FAM184B: variants seen among roughly 807,000 people sequenced by gnomAD.
FAM184B encodes the protein protein FAM184B.
Under a neutral mutation model 135.9 loss-of-function variants are expected in FAM184B, and 111 were observed. The ratio of observed to expected loss-of-function variants is 0.82; its 90% confidence interval spans 0.70 to 0.96. The LOEUF (loss-of-function observed/expected upper bound fraction) is 0.96. Among genes scored for constraint, FAM184B ranks in the 40% least tolerant of loss-of-function variants. FAM184B has a pLI of 0.00. For synonymous variants in FAM184B, 552 were observed against 524.8 expected (o/e 1.05, Z -0.71); for missense variants, 1,375 against 1,323.9 (o/e 1.04, Z -0.60).
chr4:17,642,025 G>A, intron 13 of FAM184B, 31 bp downstream of exon 13: 2 of 1,506,524 alleles, frequency 1.3e-6, no homozygotes, highest in Non-Finnish European at 1.8e-6. Context: ...GGTGAGGGTG[G>A]CGCGGTGGCG....
intron 10 of FAM184B, among the ~76,000 whole-genome samples, chr4:17,655,305 G>A (rs1011230752): frequency 4.6e-5 from 7 of 152,104 alleles, no homozygotes; most frequent in African/African-American, 1.7e-4. Context: ...TTTGCAAGAC[G>A]GAGCCAAACT....
At chr4:17,766,524 C>A (rs1244110064) in intron 1 of FAM184B, among the ~76,000 whole-genome samples, 2 of 151,978 alleles carry the variant, frequency 1.3e-5, no homozygotes, top group Non-Finnish European at 2.9e-5. Flanking sequence ...TATTTACAAA[C>A]CTTGAGCTAG....
chr4:17,726,691 C>T (rs1432113329), intron 1 of FAM184B, among the ~76,000 whole-genome samples: 1 of 152,104 alleles, frequency 6.6e-6, no homozygotes, highest in Non-Finnish European at 1.5e-5. Flanking sequence ...CATTTTGACT[C>T]TACTTTTCCC....
intron 1 of FAM184B, among the ~76,000 whole-genome samples, chr4:17,770,548 C>T (rs1288719880): frequency 6.6e-6 from 1 of 152,134 alleles, no homozygotes; most frequent in Admixed American, 6.5e-5. Context: ...ACTGCAACCT[C>T]CGCCTCCCGG....
At chr4:17,683,649 G>A (rs1024220315) in intron 7 of FAM184B, among the ~76,000 whole-genome samples, 3 of 152,126 alleles carry the variant, frequency 2.0e-5, no homozygotes, top group African/African-American at 4.8e-5. Flanking sequence ...TCAATCATAA[G>A]GGAATGGTTA....
intron 1 of FAM184B, among the ~76,000 whole-genome samples, chr4:17,729,298 C>T (rs556410459): frequency 3.1e-4 from 47 of 152,372 alleles, no homozygotes; most frequent in African/African-American, 1.1e-3. Flanking sequence ...GCCTGCCTGC[C>T]TCTGTAGGCT....
At chr4:17,777,336 A>G (rs182680140) in intron 1 of FAM184B, among the ~76,000 whole-genome samples, 74 of 152,318 alleles carry the variant, frequency 4.9e-4, no homozygotes, top group African/African-American at 1.7e-3. Context: ...GAAACTGACT[A>G]CAAATGGCCA....
intron 6 of FAM184B, 121 bp downstream of exon 6, chr4:17,693,181 C>A: frequency 1.5e-6 from 1 of 670,576 alleles, no homozygotes; most frequent in Non-Finnish European, 2.5e-6. Context: ...CCCCCCGAGA[C>A]AGCCTGCCTG....
In FAM184B at chr4:17,633,844, C is replaced by A. The variant is rs770765197; in HGVS notation, c.2934G>T (p.Pro978=). The part of the protein sequence containing the change: ...EDVPSRVVSV[P]NLASYAKNFL... ...AGTTCTTTGCATAGGAGGCGAGGTTCGGCACGCTGACCACGCGGCTGGGCA... is the reference window on the plus strand; with the variant it reads ...AGTTCTTTGCATAGGAGGCGAGGTTAGGCACGCTGACCACGCGGCTGGGCA... The change falls in exon 17 of 18, where the codon CCG becomes CCT. Residue 978 remains proline (P), a synonymous_variant. Transcript: ENST00000265018. The A allele has an allele frequency of 1.3e-6, 2 of 1,551,270 alleles. No individual in the cohort carries two copies. Among genetic ancestry groups the A allele is most frequent in the Non-Finnish European group, 8.7e-7 (1 of 1,146,854 alleles).
intron 17 of FAM184B, chr4:17,633,250 G>A (rs1197088998): frequency 6.5e-6 from 1 of 154,888 alleles, no homozygotes; most frequent in Admixed American, 6.4e-5. Flanking sequence ...ATTCCAAGGT[G>A]ATAGAGTAAA....
intron 1 of FAM184B, among the ~76,000 whole-genome samples, chr4:17,752,937 A>G (rs1718335141): frequency 6.6e-6 from 1 of 152,198 alleles, no homozygotes; most frequent in Non-Finnish European, 1.5e-5. Context: ...CTTAACCTCC[A>G]CTATTTGCCC....
At chr4:17,635,676 A>T (rs1577239370) in intron 15 of FAM184B, among the ~76,000 whole-genome samples, 2 of 15,920 alleles carry the variant, frequency 1.3e-4, no homozygotes, top group Admixed American at 9.0e-4. Context: ...GGATTACTTT[A>T]AAAAAAAAAA....
chr4:17,678,729 T>A (rs1053218140), intron 7 of FAM184B, among the ~76,000 whole-genome samples: 1 of 152,120 alleles, frequency 6.6e-6, no homozygotes, highest in Non-Finnish European at 1.5e-5. Flanking sequence ...AAAGCAAGGC[T>A]AAGCAAAAAG....
chr4:17,639,226 C>A, intron 14 of FAM184B, 24 bp downstream of exon 14: 1 of 1,550,772 alleles, frequency 6.4e-7, no homozygotes, highest in Non-Finnish European at 8.7e-7. Context: ...CAAGACCCTC[C>A]CTGGGGCCCG....
rs1000854608 is a variant in FAM184B, at chr4:17,657,162, ATTTT to A, written c.2037+1184_2037+1187del. ...TTTTCCTTGCATTAGTAAATGCTGC[ATTTT>A]TTATTTGTTTAGTTTCCTTTGGCTA... On this transcript the variant is annotated intron_variant, in intron 10 of 17. Coordinates refer to ENST00000265018, the MANE Select transcript of FAM184B (RefSeq NM_015688.2). Among the ~76,000 whole-genome samples, 5 of 152,288 alleles carry A rather than the reference ATTTT, an allele frequency of 3.3e-5. No individual in the cohort carries two copies. In the South Asian group the frequency reaches 1.0e-3, roughly 32 times the overall value.
At chr4:17,652,420 G>A (rs1187022895) in intron 11 of FAM184B, among the ~76,000 whole-genome samples, 1 of 152,264 alleles carries the variant, frequency 6.6e-6, no homozygotes, top group East Asian at 1.9e-4. Flanking sequence ...CACCACACCC[G>A]GCCTTTATGT....
chr4:17,634,092 C>T (rs766104500), intron 16 of FAM184B: 18 of 404,386 alleles, frequency 4.5e-5, no homozygotes, highest in Non-Finnish European at 7.2e-5. Flanking sequence ...ATGTTCACAA[C>T]CTCTTAACCA....
intron 1 of FAM184B, among the ~76,000 whole-genome samples, chr4:17,725,853 G>C (rs1717626862): frequency 6.6e-6 from 1 of 152,110 alleles, no homozygotes; most frequent in African/African-American, 2.4e-5. Flanking sequence ...GTGAAAATCT[G>C]TGAGATTCCT....
At position 17,632,532 on chromosome 4, in the gene FAM184B, T is replaced by G; in HGVS notation, c.3183A>C (p.Ter1061TyrextTer17). Residue 1061 changes from the stop codon to tyrosine, a stop_lost, in exon 18 of 18, where the codon TAA (stop) becomes TAC (tyrosine). Coordinates refer to ENST00000265018, the MANE Select transcript of FAM184B (RefSeq NM_015688.2). ...TCTGTGATGTATCCCAAAGGTTAGC[T>G]TAGAAAGAAAAGTACTTGGTGAACC... is the stretch of plus-strand genomic sequence containing the variant. The part of the protein sequence containing the change: ...QEWFTKYFSF[*>Y] 6.5e-7 allele frequency: 1 copy of G among 1,549,226 alleles called. No homozygotes were observed.
Sources: gnomAD v4.1 joint callset for allele counts (sites outside exome capture counted in the v4.1 genomes callset) on GRCh38, gnomAD v4.1.1 for gene constraint, MANE v1.5 for transcripts, NCBI Gene and HGNC (gene_info 2026-07-23, HGNC 2026-07-21) for gene names.